Variants in ZSCAN25 observed in about 807,000 individuals in gnomAD.
The protein encoded by ZSCAN25 is zinc finger and SCAN domain-containing protein 25.
Under a neutral mutation model 38.7 loss-of-function variants are expected in ZSCAN25, and 27 were observed. The observed-to-expected ratio is 0.70, with a 90% confidence interval of 0.51 to 0.96. The LOEUF (loss-of-function observed/expected upper bound fraction) is 0.96, where lower values mean the gene tolerates loss of function less well. Ranked by LOEUF, ZSCAN25 falls within the 40% of genes least tolerant of loss-of-function variation. ZSCAN25 has a pLI of 0.00. For missense variants in ZSCAN25, 637 were observed against 705.9 expected (o/e 0.90, Z 1.11); for synonymous variants, 273 against 277.7 (o/e 0.98, Z 0.17).
chr7:99,679,720 T>C, the ZSCAN25 span: 27 of 1,072,580 alleles, frequency 2.5e-5, no homozygotes, highest in African/African-American at 3.9e-4. Flanking sequence ...TTCAGCTACT[T>C]CTCCTTGAAC....
chr7:99,622,314 G>A (rs550757090), intron 5 of ZSCAN25: 103 of 558,178 alleles, frequency 1.8e-4, no homozygotes, highest in African/African-American at 2.8e-4. Flanking sequence ...GGACAGGGCC[G>A]GGACAATCTT....
At chr7:99,652,824 A>G in the ZSCAN25 span, 1 of 1,463,672 alleles carries the variant, frequency 6.8e-7, no homozygotes, top group Non-Finnish European at 9.5e-7. Context: ...ATTTTGAATT[A>G]ACTCTCAACT....
Position 99,629,330 on chromosome 7 carries a change from T to C in ZSCAN25, c.945T>C (p.Gly315=). ...GLGRVCEQEP[G]GPAGSAPGLP... is the part of the protein sequence containing the mutation. ...GAAGGGTCTGTGAGCAGGAGCCTGG[T>C]GGCCCTGCAGGCAGTGCGCCTGGGC... The change falls in exon 8 of 8, where the codon GGT becomes GGC. Residue 315 remains glycine (G), a synonymous_variant. Transcript: ENST00000394152. This position sits in a 1 kb window ranked among gnomAD's most constrained non-coding sequence, Gnocchi z 5.6. 2 of 1,614,190 alleles carry C rather than the reference T, an allele frequency of 1.2e-6. No homozygotes were observed. The highest frequency in any genetic ancestry group is 1.7e-6 in the Non-Finnish European group (2 of 1,180,026).
At chr7:99,619,523 G>C (rs1806748270) in intron 3 of ZSCAN25, 38 bp from the exon 4 acceptor site, 1 of 1,460,046 alleles carries the variant, frequency 6.8e-7, no homozygotes, top group East Asian at 2.3e-5. Context: ...ACAGAACTGG[G>C]ATGGGCTGAC....
the ZSCAN25 span, among the ~76,000 whole-genome samples, chr7:99,704,454 C>A: frequency 2.0e-5 from 3 of 151,946 alleles, no homozygotes; most frequent in Non-Finnish European, 2.9e-5. Flanking sequence ...CCATACCTAG[C>A]TAATTTTTGT....
chr7:99,670,401 G>A, the ZSCAN25 span, among the ~76,000 whole-genome samples: 1 of 152,106 alleles, frequency 6.6e-6, no homozygotes, highest in Admixed American at 6.5e-5. Flanking sequence ...TATGCATTTC[G>A]ACATGTTGGC....
rs925438410 is a variant in ZSCAN25, at chr7:99,617,914, A to G, written c.-258-611A>G. Among the ~76,000 whole-genome samples the G allele has an allele frequency of 6.6e-5, 10 of 152,258 alleles. No individual in the cohort carries two copies. The South Asian group carries it at 1.4e-3, about 22-fold the overall frequency. On this transcript the variant is annotated intron_variant, in intron 1 of 7. Transcript: ENST00000394152. ...ATTTGCACTGTAGTGCATTAAATGC[A>G]CTAGTGGAGTGAACCAATGCAATAG...
chr7:99,730,628 G>A, the ZSCAN25 span: 3 of 184,564 alleles, frequency 1.6e-5, no homozygotes, highest in South Asian at 1.2e-4. Flanking sequence ...AGGGAAAAAA[G>A]CCTATTCATG....
In ZSCAN25 at chr7:99,629,450, A is replaced by G. The variant is rs567754506; in HGVS notation, c.1065A>G (p.Lys355=). Residue 355 remains lysine, a synonymous_variant, in exon 8 of 8, where the codon AAA becomes AAG. Coordinates refer to ENST00000394152, the MANE Select transcript of ZSCAN25 (RefSeq NM_145115.3). The surrounding 1 kb of genome is among the most constrained non-coding windows in gnomAD (Gnocchi z 5.6). ...CTTTCCAGTGCCCTGAGTGTGGGAA[A>G]GGATTCAGTCGGAGCTCCAATCTCG... ...WKPFQCPECG[K]GFSRSSNLVR... 1 of 1,614,228 alleles carries G rather than the reference A, an allele frequency of 6.2e-7. No individual in the cohort carries two copies. Among genetic ancestry groups the G allele is most frequent in the Non-Finnish European group, 8.5e-7 (1 of 1,180,032 alleles).
the ZSCAN25 span, among the ~76,000 whole-genome samples, chr7:99,680,662 C>T: frequency 2.2e-4 from 34 of 152,194 alleles, no homozygotes; most frequent in Non-Finnish European, 4.4e-4. Context: ...TGCTGGGCGT[C>T]TCATCCCCTC....
the ZSCAN25 span, chr7:99,649,954 A>T: frequency 6.3e-5 from 81 of 1,278,198 alleles, no homozygotes; most frequent in Middle Eastern, 2.6e-4. Context: ...AGATGGATCC[A>T]AGTAGGTTCT....
chr7:99,648,395 G>C, the ZSCAN25 span: 1 of 1,611,054 alleles, frequency 6.2e-7, no homozygotes, highest in South Asian at 1.1e-5. Context: ...CTAATTTCAA[G>C]GGGATCTACA....
At chr7:99,725,114 G>A in the ZSCAN25 span, among the ~76,000 whole-genome samples, 1 of 152,106 alleles carries the variant, frequency 6.6e-6, no homozygotes, top group Admixed American at 6.6e-5. Flanking sequence ...CAAAAAAGCA[G>A]CATACAAGGC....
the ZSCAN25 span, among the ~76,000 whole-genome samples, chr7:99,643,301 GAGA>G: frequency 2.0e-5 from 3 of 152,132 alleles, no homozygotes; most frequent in African/African-American, 7.2e-5. Flanking sequence ...TTTGCCATAA[GAGA>G]AGAATCATCT....
chr7:99,711,256 G>A, the ZSCAN25 span, among the ~76,000 whole-genome samples: 2 of 152,048 alleles, frequency 1.3e-5, no homozygotes, highest in Non-Finnish European at 2.9e-5. Context: ...ATTAATATGG[G>A]GTAGTCTTCT....
At chr7:99,710,123 G>C in the ZSCAN25 span, among the ~76,000 whole-genome samples, 1 of 152,152 alleles carries the variant, frequency 6.6e-6, no homozygotes, top group East Asian at 1.9e-4. Context: ...CAGCCCAAAA[G>C]CCATGTCTCT....
At chr7:99,657,505 A>G in the ZSCAN25 span, among the ~76,000 whole-genome samples, 3 of 152,200 alleles carry the variant, frequency 2.0e-5, no homozygotes, top group African/African-American at 7.2e-5. Context: ...ACTTCCAACT[A>G]TGTGGTTAAT....
the ZSCAN25 span, chr7:99,663,068 G>A: frequency 8.3e-6 from 11 of 1,329,942 alleles, no homozygotes; most frequent in Admixed American, 3.1e-5. Context: ...AAAGCAGGAT[G>A]TTTTCCTGAA....
the ZSCAN25 span, chr7:99,679,761 A>G: frequency 5.3e-6 from 8 of 1,500,052 alleles, no homozygotes; most frequent in East Asian, 1.6e-4. Flanking sequence ...CAGATAAGGG[A>G]AAAGGGGCCC....
Sources: allele counts gnomAD v4.1 joint callset (sites outside exome capture counted in the v4.1 genomes callset), GRCh38; gene constraint gnomAD v4.1.1; non-coding constraint Gnocchi (gnomAD v3.1); transcripts MANE v1.5; gene names NCBI Gene and HGNC (gene_info 2026-07-23, HGNC 2026-07-21).